Variants in TSPAN2 observed in about 807,000 individuals in gnomAD.
The protein encoded by TSPAN2 is tetraspanin 2, also known as tetraspanin-2.
A neutral mutation model predicts 33.3 loss-of-function variants in TSPAN2; 24 were observed. That is an observed-to-expected ratio of 0.72 (90% CI 0.52 to 1.01). The LOEUF is 1.01. Ranked by LOEUF, TSPAN2 falls within the 50% of genes least tolerant of loss-of-function variation. TSPAN2 has a pLI of 0.00. For synonymous variants in TSPAN2, 114 were observed against 104.5 expected (o/e 1.09, Z -0.56); for missense variants, 278 against 281.3 (o/e 0.99, Z 0.08).
intron 5 of TSPAN2, chr1:115,058,400 T>C: frequency 4.9e-6 from 1 of 203,912 alleles, no homozygotes; most frequent in Non-Finnish European, 9.7e-6. Context: ...CAGAAGGGAG[T>C]GTAGCCATCT....
At chr1:115,080,134 T>C (rs1648567878) in intron 1 of TSPAN2, among the ~76,000 whole-genome samples, 1 of 152,216 alleles carries the variant, frequency 6.6e-6, no homozygotes, top group African/African-American at 2.4e-5. Flanking sequence ...CTGCAAATGA[T>C]AGAGCAGATA....
chr1:115,085,233 C>A (rs1224419866), intron 1 of TSPAN2, among the ~76,000 whole-genome samples: 1 of 152,170 alleles, frequency 6.6e-6, no homozygotes, highest in Non-Finnish European at 1.5e-5. Flanking sequence ...TTGACATCAA[C>A]CACGATAAGA....
chr1:115,084,362 G>A (rs1007196363), intron 1 of TSPAN2, among the ~76,000 whole-genome samples: 2 of 152,184 alleles, frequency 1.3e-5, no homozygotes, highest in Admixed American at 1.3e-4. Flanking sequence ...AGTAAAGAGT[G>A]GAGGCAGGAA....
chr1:115,063,893 T>C (rs1456223321), intron 2 of TSPAN2, among the ~76,000 whole-genome samples: 1 of 152,134 alleles, frequency 6.6e-6, no homozygotes, highest in East Asian at 1.9e-4. Flanking sequence ...TGATAGATAC[T>C]GGGGACTACT....
At chr1:115,052,779 T>C (rs1021223572) in intron 7 of TSPAN2, among the ~76,000 whole-genome samples, 1 of 152,240 alleles carries the variant, frequency 6.6e-6, no homozygotes, top group Non-Finnish European at 1.5e-5. Flanking sequence ...TTGAGTGTTA[T>C]ATGTCCCAGA....
Position 115,060,514 on chromosome 1 carries a change from A to T in TSPAN2, c.295T>A (p.Phe99Ile), listed in dbSNP as rs1161408114. The change falls in exon 4 of 8, where the codon TTT becomes ATT. Residue 99 changes from phenylalanine to isoleucine, a missense_variant. Physicochemically the swap from Phe to Ile is conservative, Grantham distance 21 (BLOSUM62 0). Transcript: ENST00000369516. Reference sequence around the variant, plus strand: ...ACTCCAGTGGTTACTTCAGCAGCAAATATCACCAGGAGGCAGGTAAAAAAC... The same window carrying T: ...ACTCCAGTGGTTACTTCAGCAGCAATTATCACCAGGAGGCAGGTAAAAAAC... Reference protein sequence around the residue: ...GSFFTCLLVIFAAEVTTGVFA... With the variant: ...GSFFTCLLVIIAAEVTTGVFA... 1 of 1,613,670 alleles carries T rather than the reference A, an allele frequency of 6.2e-7. No homozygotes were observed. The highest frequency in any genetic ancestry group is 2.2e-5 in the East Asian group (1 of 44,828).
At chr1:115,076,892 T>C (rs1435694364) in intron 1 of TSPAN2, among the ~76,000 whole-genome samples, 1 of 151,184 alleles carries the variant, frequency 6.6e-6, no homozygotes, top group Non-Finnish European at 1.5e-5. Context: ...ACATGAGAAA[T>C]TGCCAGAAAG....
chr1:115,057,464 T>G (rs1275041609), intron 6 of TSPAN2, 73 bp downstream of exon 6: 2 of 1,432,418 alleles, frequency 1.4e-6, no homozygotes, highest in Non-Finnish European at 9.8e-7. Context: ...CCATCCGAGA[T>G]TCTACCTTCA....
At chr1:115,074,144 G>T (rs1648302205) in intron 1 of TSPAN2, among the ~76,000 whole-genome samples, 1 of 152,126 alleles carries the variant, frequency 6.6e-6, no homozygotes, top group Non-Finnish European at 1.5e-5. Context: ...ACAGAGCAGA[G>T]CACACACAGA....
rs760640238 is a variant in TSPAN2 at position 115,062,142 on chromosome 1, A to G, written c.263T>C (p.Leu88Pro). 7 of 1,591,490 alleles carry G rather than the reference A, an allele frequency of 4.4e-6. No individual in the cohort carries two copies. The highest frequency in any genetic ancestry group is 6.0e-6 in the Non-Finnish European group (7 of 1,168,690). The change falls in exon 3 of 8, where the codon CTT becomes CCT. Residue 88 changes from leucine to proline, a missense_variant. By Grantham distance (98) the Leu-to-Pro change is moderately conservative. Transcript: ENST00000369516. ...CGAMRESQCV[L>P]GSFFTCLLVI... ...CCCCCTCGCCCCACTTACTGATCCA[A>G]GCACACATTGCGACTCCCGCATGGC...
chr1:115,051,661 C>T (rs563647187), intron 7 of TSPAN2, among the ~76,000 whole-genome samples: 6 of 152,234 alleles, frequency 3.9e-5, no homozygotes, highest in African/African-American at 1.4e-4. Context: ...TCCTCAATTC[C>T]ATCCTAAGTC....
At chr1:115,069,611 A>G (rs1039681988) in intron 2 of TSPAN2, among the ~76,000 whole-genome samples, 5 of 152,242 alleles carry the variant, frequency 3.3e-5, no homozygotes, top group African/African-American at 4.8e-5. Context: ...TGGTCACATC[A>G]TCTGAGTCCC....
At chr1:115,060,089 A>G (rs752744588) in intron 4 of TSPAN2, among the ~76,000 whole-genome samples, 3 of 152,306 alleles carry the variant, frequency 2.0e-5, no homozygotes, top group Non-Finnish European at 4.4e-5. Flanking sequence ...CATCCAGGCC[A>G]ATCCTTAAGG....
chr1:115,064,206 G>A (rs1476473710), intron 2 of TSPAN2, among the ~76,000 whole-genome samples: 1 of 152,182 alleles, frequency 6.6e-6, no homozygotes, highest in African/African-American at 2.4e-5. Context: ...ATGGCTGTAG[G>A]CAGGATGCCC....
intron 1 of TSPAN2, among the ~76,000 whole-genome samples, chr1:115,075,515 T>C (rs868348724): frequency 2.0e-5 from 3 of 152,080 alleles, no homozygotes; most frequent in Non-Finnish European, 1.5e-5. Flanking sequence ...TCGCCATTCC[T>C]TTAAGATTCA....
chr1:115,082,240 G>A (rs532731229), intron 1 of TSPAN2, among the ~76,000 whole-genome samples: 3 of 152,252 alleles, frequency 2.0e-5, no homozygotes, highest in East Asian at 3.9e-4. Context: ...TAGCATAGTC[G>A]CCGCATTGGA....
At chr1:115,065,646 C>T (rs1436959995) in intron 2 of TSPAN2, among the ~76,000 whole-genome samples, 3 of 152,030 alleles carry the variant, frequency 2.0e-5, no homozygotes, top group African/African-American at 7.2e-5. Flanking sequence ...TAGTTGTACA[C>T]ATTTTGGGGG....
intron 1 of TSPAN2, among the ~76,000 whole-genome samples, chr1:115,075,175 G>C (rs1648353907): frequency 6.6e-6 from 1 of 152,092 alleles, no homozygotes; most frequent in East Asian, 1.9e-4. Flanking sequence ...GTCCAGTTCT[G>C]GCACAGATGT....
At chr1:115,087,615 C>CA (rs58524726) in intron 1 of TSPAN2, among the ~76,000 whole-genome samples, 43,524 of 91,412 alleles carry the variant, frequency 0.48, 8,973 homozygotes, top group East Asian at 0.62. Flanking sequence ...GACTCCGTCT[C>CA]AAAAAAAAAA....
Sources: allele counts gnomAD v4.1 joint callset (sites outside exome capture counted in the v4.1 genomes callset), GRCh38; gene constraint gnomAD v4.1.1; transcripts MANE v1.5; gene names NCBI Gene and HGNC (gene_info 2026-07-23, HGNC 2026-07-21).